KIF26B: variants seen among roughly 807,000 people sequenced by gnomAD.
KIF26B encodes kinesin-like protein KIF26B.
KIF26B carries 63 observed loss-of-function variants against 151.2 expected under a neutral mutation model. The ratio of observed to expected loss-of-function variants is 0.42; its 90% CI spans 0.34 to 0.51. The LOEUF is 0.51. Ranked by LOEUF, KIF26B falls within the 20% of genes least tolerant of loss-of-function variation. KIF26B has a pLI of 0.07. For missense variants in KIF26B, 2,813 were observed against 2,913.6 expected (o/e 0.97, Z 0.79); for synonymous variants, 1,357 against 1,262.1 (o/e 1.08, Z -1.59).
intron 5 of KIF26B, among the ~76,000 whole-genome samples, chr1:245,562,905 TCTCA>T (rs1263374171): frequency 6.6e-6 from 1 of 152,070 alleles, no homozygotes; most frequent in African/African-American, 2.4e-5. Context: ...AGAGATGGGC[TCTCA>T]CTGTGTTGCT....
intron 4 of KIF26B, among the ~76,000 whole-genome samples, chr1:245,528,960 C>T (rs114667312): frequency 0.013 from 1,927 of 152,236 alleles, 21 homozygotes; most frequent in Middle Eastern, 0.034. Context: ...ATGAGACAAT[C>T]GATATGTTCT....
intron 5 of KIF26B, among the ~76,000 whole-genome samples, chr1:245,599,504 T>G (rs2103143111): frequency 6.6e-6 from 1 of 152,308 alleles, no homozygotes; most frequent in East Asian, 1.9e-4. Context: ...GCCCCTTCTT[T>G]CCCGCTTCTC....
At chr1:245,245,715 G>A (rs1413949768) in intron 2 of KIF26B, among the ~76,000 whole-genome samples, 1 of 152,030 alleles carries the variant, frequency 6.6e-6, no homozygotes, top group Non-Finnish European at 1.5e-5. Context: ...GGTGGATCAC[G>A]AGGTCAGGAG....
intron 10 of KIF26B, among the ~76,000 whole-genome samples, chr1:245,678,019 A>G (rs1447478695): frequency 6.6e-6 from 1 of 152,042 alleles, no homozygotes; most frequent in African/African-American, 2.4e-5. Context: ...ATGGCTTGGG[A>G]CCCTGGTCCC....
intron 4 of KIF26B, among the ~76,000 whole-genome samples, chr1:245,500,486 A>G (rs1024542901): frequency 6.6e-6 from 1 of 152,244 alleles, no homozygotes; most frequent in African/African-American, 2.4e-5. Context: ...CCCAAACAAT[A>G]GGTTGAAAAC....
chr1:245,633,156 A>G (rs1466442452), intron 9 of KIF26B, among the ~76,000 whole-genome samples: 2 of 152,082 alleles, frequency 1.3e-5, no homozygotes, highest in Non-Finnish European at 2.9e-5. Flanking sequence ...TTATGTAAGT[A>G]TAGCTACTCT....
At chr1:245,690,741 G>C (rs1339495167) in intron 12 of KIF26B, among the ~76,000 whole-genome samples, 1 of 120,782 alleles carries the variant, frequency 8.3e-6, no homozygotes, top group Non-Finnish European at 1.7e-5. Flanking sequence ...TTATTTGCCT[G>C]GGGGGGGGGT....
chr1:245,278,500 T>C (rs1670978643), intron 2 of KIF26B, among the ~76,000 whole-genome samples: 1 of 152,240 alleles, frequency 6.6e-6, no homozygotes, highest in Non-Finnish European at 1.5e-5. Flanking sequence ...CTTTCTCTTT[T>C]GGGCATGAAC....
At chr1:245,551,454 A>T (rs1004359520) in intron 5 of KIF26B, among the ~76,000 whole-genome samples, 11 of 152,216 alleles carry the variant, frequency 7.2e-5, no homozygotes, top group African/African-American at 1.4e-4. Flanking sequence ...AGGTATTTTT[A>T]TAGAAATCCA....
intron 4 of KIF26B, among the ~76,000 whole-genome samples, chr1:245,474,110 CTTT>C (rs35748378): frequency 3.1e-4 from 35 of 111,238 alleles, no homozygotes; most frequent in Admixed American, 6.2e-4. Context: ...ACAGTAGGTC[CTTT>C]TTTTTTTTTT....
intron 2 of KIF26B, among the ~76,000 whole-genome samples, chr1:245,165,728 T>C (rs1420565408): frequency 1.3e-5 from 2 of 152,028 alleles, no homozygotes; most frequent in East Asian, 3.9e-4. Context: ...GACAGTGTCA[T>C]GGGAACTGAG....
At chr1:245,523,207 T>C (rs1038062358) in intron 4 of KIF26B, among the ~76,000 whole-genome samples, 4 of 152,332 alleles carry the variant, frequency 2.6e-5, no homozygotes, top group Admixed American at 2.0e-4. Flanking sequence ...CTTTTCTGCC[T>C]CTCTTGGGAG....
intron 5 of KIF26B, among the ~76,000 whole-genome samples, chr1:245,552,947 C>T (rs556047581): frequency 5.1e-4 from 78 of 152,200 alleles, no homozygotes; most frequent in African/African-American, 1.1e-3. Context: ...TGGGGCAGTG[C>T]GGGGAGGCAG....
intron 2 of KIF26B, among the ~76,000 whole-genome samples, chr1:245,285,372 A>G (rs1222034483): frequency 6.6e-6 from 1 of 152,192 alleles, no homozygotes; most frequent in Non-Finnish European, 1.5e-5. Flanking sequence ...TCCAATAGGA[A>G]ACATATTCTG....
intron 5 of KIF26B, among the ~76,000 whole-genome samples, chr1:245,588,136 A>C (rs2043246755): frequency 6.6e-6 from 1 of 152,152 alleles, no homozygotes; most frequent in Admixed American, 6.6e-5. Flanking sequence ...AATACGGCAT[A>C]TACTTTAATT....
At chr1:245,471,774 C>T (rs1659920678) in intron 4 of KIF26B, among the ~76,000 whole-genome samples, 1 of 149,874 alleles carries the variant, frequency 6.7e-6, no homozygotes, top group African/African-American at 2.5e-5. Flanking sequence ...AAGACAAGCC[C>T]CCTGCTCTCT....
In KIF26B at chr1:245,699,033, T is replaced by C; in HGVS notation, c.6174T>C (p.Ser2058=). The change falls in exon 14 of 15, where the codon AGT becomes AGC. Residue 2058 remains serine (S), a synonymous_variant. Transcript: ENST00000407071. ...TGCTGGATCCCAACAAGTGGCTCAG[T>C]GAATGTAAGGCCGGGGTGCCTTCCC... The part of the protein sequence containing the change: ...YLMLDPNKWL[S]EFDLEQVWEL... The C allele has an allele frequency of 6.2e-7, 1 of 1,613,482 alleles. No homozygotes were observed. The highest frequency in any genetic ancestry group is 8.5e-7 in the Non-Finnish European group (1 of 1,179,578).
At chr1:245,632,822 C>T (rs1164748668) in intron 9 of KIF26B, among the ~76,000 whole-genome samples, 3 of 152,128 alleles carry the variant, frequency 2.0e-5, no homozygotes, top group Admixed American at 1.3e-4. Flanking sequence ...GTGGAAGGAT[C>T]GTTTGAGCCT....
At chr1:245,339,366 G>A (rs1257933353) in intron 2 of KIF26B, among the ~76,000 whole-genome samples, 3 of 152,118 alleles carry the variant, frequency 2.0e-5, no homozygotes, top group African/African-American at 2.4e-5. Context: ...TATTCTGTAC[G>A]GATGTGGCTG....
Sources: allele counts gnomAD v4.1 joint callset (sites outside exome capture counted in the v4.1 genomes callset), GRCh38; gene constraint gnomAD v4.1.1; transcripts MANE v1.5; gene names NCBI Gene and HGNC (gene_info 2026-07-23, HGNC 2026-07-21).